Variants in CACNA1S observed in about 807,000 individuals in gnomAD.
CACNA1S encodes the protein calcium voltage-gated channel subunit alpha1 S.
In CACNA1S, 126 loss-of-function variants were observed where a neutral mutation model predicts 207.4. The ratio of observed to expected loss-of-function variants is 0.61; its 90% CI spans 0.53 to 0.70. The LOEUF (loss-of-function observed/expected upper bound fraction) is 0.70, where lower values mean the gene tolerates loss of function less well. Ranked by LOEUF, CACNA1S falls within the 30% of genes least tolerant of loss-of-function variation. CACNA1S has a pLI of 0.00. For synonymous variants in CACNA1S, 960 were observed against 932.7 expected, an observed-to-expected ratio of 1.03 and a Z score of -0.53; for missense variants, 2,349 against 2,422.8, an observed-to-expected ratio of 0.97 and a Z score of 0.64.
intron 22 of CACNA1S, among the ~76,000 whole-genome samples, chr1:201,063,578 C>T (rs934929861): frequency 6.6e-6 from 1 of 152,058 alleles, no homozygotes; most frequent in Admixed American, 6.6e-5. Flanking sequence ...CATGAGCCAC[C>T]GCGTCCAGCA....
chr1:201,098,475 T>C (rs1662519022), intron 2 of CACNA1S, among the ~76,000 whole-genome samples: 1 of 152,178 alleles, frequency 6.6e-6, no homozygotes, highest in African/African-American at 2.4e-5. Flanking sequence ...ACCCATGCAG[T>C]AGGACCATGT....
chr1:201,054,233 T>G (rs1460423273), intron 29 of CACNA1S, among the ~76,000 whole-genome samples: 2 of 152,212 alleles, frequency 1.3e-5, no homozygotes, highest in Non-Finnish European at 2.9e-5. Flanking sequence ...CAGTTCTCTC[T>G]GGACTGTGTT....
At chr1:201,093,197 A>T (rs1470375973) in intron 3 of CACNA1S, among the ~76,000 whole-genome samples, 1 of 152,166 alleles carries the variant, frequency 6.6e-6, no homozygotes, top group African/African-American at 2.4e-5. Context: ...TTGTATTTGG[A>T]GACAGGGTCT....
intron 5 of CACNA1S, 72 bp downstream of exon 5, chr1:201,091,568 C>T: frequency 3.2e-6 from 5 of 1,559,168 alleles, no homozygotes; most frequent in Non-Finnish European, 3.5e-6. Flanking sequence ...GCTCCTTCAC[C>T]AGGTAGGGTG....
chr1:201,093,570 T>C (rs950158777), intron 3 of CACNA1S, among the ~76,000 whole-genome samples: 22 of 152,168 alleles, frequency 1.4e-4, no homozygotes, highest in Non-Finnish European at 2.1e-4. Flanking sequence ...CTTATGAACA[T>C]CCAGAAACTG....
At chr1:201,109,348 G>A (rs1399193870) in intron 2 of CACNA1S, among the ~76,000 whole-genome samples, 4 of 152,022 alleles carry the variant, frequency 2.6e-5, no homozygotes, top group Non-Finnish European at 5.9e-5. Context: ...TAAACTCTCT[G>A]AATATCAGTC....
Position 201,084,990 on chromosome 1 carries a change from G to A in CACNA1S, c.1192C>T (p.Leu398=), listed in dbSNP as rs1292081064. ...TTGTTCAAGCCTGCAATTTCATACAGGCTCTCTGTGTCAGAGCCACCTTCA... is the reference window on the plus strand; with the variant it reads ...TTGTTCAAGCCTGCAATTTCATACAAGCTCTCTGTGTCAGAGCCACCTTCA... ...LDEGGSDTES[L]YEIAGLNKII... Residue 398 remains leucine (L), a synonymous_variant, in exon 9 of 44, where the codon CTG becomes TTG. Transcript: ENST00000362061. The A allele has an allele frequency of 6.2e-7, 1 of 1,612,716 alleles. No individual in the cohort carries two copies. The highest frequency in any genetic ancestry group is 1.3e-5 in the African/African-American group (1 of 75,026).
intron 2 of CACNA1S, among the ~76,000 whole-genome samples, chr1:201,103,188 G>T (rs1662741960): frequency 6.6e-6 from 1 of 151,094 alleles, no homozygotes; most frequent in African/African-American, 2.4e-5. Flanking sequence ...GGAGGTTGTA[G>T]TGAGGTGAAG....
chr1:201,110,612 C>G (rs1663063870), intron 1 of CACNA1S, among the ~76,000 whole-genome samples: 1 of 152,232 alleles, frequency 6.6e-6, no homozygotes, highest in South Asian at 2.1e-4. Flanking sequence ...CCCTTGCCTG[C>G]TCCCAAGGAG....
intron 34 of CACNA1S, among the ~76,000 whole-genome samples, 171 bp from the exon 35 acceptor site, chr1:201,049,270 A>G (rs1275030806): frequency 1.3e-5 from 2 of 152,220 alleles, no homozygotes; most frequent in African/African-American, 2.4e-5. Context: ...AGAAGAGACA[A>G]TGTTAGGATT....
intron 19 of CACNA1S, 82 bp from the exon 20 acceptor site, chr1:201,067,075 G>T: frequency 1.2e-6 from 1 of 868,010 alleles, no homozygotes; most frequent in Non-Finnish European, 1.9e-6. Flanking sequence ...TCTCGCCTCT[G>T]CTCAGGAGAG....
At chr1:201,057,915 C>T (rs756756393) in intron 28 of CACNA1S, among the ~76,000 whole-genome samples, 12 of 152,328 alleles carry the variant, frequency 7.9e-5, no homozygotes, top group Non-Finnish European at 1.3e-4. Flanking sequence ...CCACTCTCAC[C>T]GCTTAGCTCT....
At chr1:201,101,912 A>G (rs922334779) in intron 2 of CACNA1S, among the ~76,000 whole-genome samples, 2 of 152,122 alleles carry the variant, frequency 1.3e-5, no homozygotes, top group Non-Finnish European at 2.9e-5. Context: ...TACAAGAAGA[A>G]AAGAAAAAGC....
intron 12 of CACNA1S, 113 bp downstream of exon 12, chr1:201,076,807 C>T (rs1202801921): frequency 3.1e-6 from 3 of 972,472 alleles, no homozygotes; most frequent in Non-Finnish European, 3.4e-6. Flanking sequence ...TGCACTCAAC[C>T]AGCAGATCAG....
At chr1:201,090,397 C>T (rs1662180830) in intron 5 of CACNA1S, among the ~76,000 whole-genome samples, 1 of 152,056 alleles carries the variant, frequency 6.6e-6, no homozygotes, top group African/African-American at 2.4e-5. Context: ...TGGGAGGAGG[C>T]TGAAATGGGA....
chr1:201,076,979 T>G lies in CACNA1S; in HGVS notation c.1768A>C (p.Thr590Pro). The G allele has an allele frequency of 6.2e-7, 1 of 1,614,206 alleles. No individual in the cohort carries two copies. Among genetic ancestry groups the G allele is most frequent in the Non-Finnish European group, 8.5e-7 (1 of 1,180,036 alleles). ...TCAAAGTTGCTGCGCCGTACTTCTG[T>G]GTCTTCAAAGTCATACCTCCCCCCA... is the stretch of plus-strand genomic sequence containing the variant. ...LFGGRYDFED[T>P]EVRRSNFDNF... Residue 590 changes from threonine to proline, a missense_variant, in exon 12 of 44, where the codon ACA becomes CCA. Thr to Pro is a conservative substitution (Grantham distance 38). Transcript: ENST00000362061.
intron 35 of CACNA1S, 74 bp downstream of exon 35, chr1:201,048,929 T>C: frequency 8.4e-7 from 1 of 1,193,510 alleles, no homozygotes; most frequent in Non-Finnish European, 1.2e-6. Context: ...CTCCATCAGG[T>C]CCTCACCAGT....
At chr1:201,041,667 A>G in intron 40 of CACNA1S, 78 bp from the exon 41 acceptor site, 1 of 1,097,592 alleles carries the variant, frequency 9.1e-7, no homozygotes, top group Non-Finnish European at 1.4e-6. Context: ...GGCCCCAAAC[A>G]TCCTTTTCCC....
chr1:201,041,713 C>T (rs989839209), intron 40 of CACNA1S, 124 bp from the exon 41 acceptor site: 25 of 752,124 alleles, frequency 3.3e-5, no homozygotes, highest in Non-Finnish European at 4.2e-5. Flanking sequence ...GTGTAGCAGC[C>T]GTGACTCTAG....
Sources: allele counts gnomAD v4.1 joint callset (sites outside exome capture counted in the v4.1 genomes callset), GRCh38; gene constraint gnomAD v4.1.1; transcripts MANE v1.5; gene names NCBI Gene and HGNC (gene_info 2026-07-23, HGNC 2026-07-21).